SPIDR: variants seen among roughly 807,000 people sequenced by gnomAD.
The protein encoded by SPIDR is DNA repair-scaffolding protein.
In SPIDR, 93 loss-of-function variants were observed where a neutral mutation model predicts 104.6. That is an observed-to-expected ratio of 0.89 (90% CI 0.75 to 1.06). SPIDR has a LOEUF of 1.06. Among genes scored for constraint, SPIDR ranks in the 50% least tolerant of loss-of-function variants. The pLI is 0.00. For missense variants in SPIDR, 1,154 were observed against 1,111.2 expected (o/e 1.04, Z -0.55); for synonymous variants, 431 against 416.9 (o/e 1.03, Z -0.41).
chr8:47,406,711 A>T (rs2062804592), intron 6 of SPIDR, among the ~76,000 whole-genome samples: 1 of 152,182 alleles, frequency 6.6e-6, no homozygotes, highest in African/African-American at 2.4e-5. Flanking sequence ...AAACAGTTAC[A>T]CCAATCATGG....
intron 10 of SPIDR, among the ~76,000 whole-genome samples, chr8:47,658,112 T>C (rs553495270): frequency 1.4e-5 from 2 of 147,400 alleles, no homozygotes; most frequent in South Asian, 4.3e-4. Context: ...CATGGGTAAA[T>C]GTCTATCAAA....
intron 10 of SPIDR, among the ~76,000 whole-genome samples, chr8:47,630,656 A>G (rs2066922173): frequency 6.6e-6 from 1 of 152,114 alleles, no homozygotes; most frequent in Non-Finnish European, 1.5e-5. Flanking sequence ...GGGCAATAGG[A>G]CTTAAGAGGA....
At chr8:47,614,329 C>T (rs983019523) in intron 10 of SPIDR, among the ~76,000 whole-genome samples, 1 of 152,002 alleles carries the variant, frequency 6.6e-6, no homozygotes, top group African/African-American at 2.4e-5. Flanking sequence ...TCAAGCAGTT[C>T]TCCTGCCTCA....
intron 8 of SPIDR, among the ~76,000 whole-genome samples, chr8:47,496,361 G>A (rs971807950): frequency 3.9e-5 from 6 of 152,146 alleles, no homozygotes; most frequent in Non-Finnish European, 8.8e-5. Context: ...TCAGTTTGAG[G>A]AAGTTGTCTT....
At chr8:47,450,686 C>T (rs2071553192) in intron 8 of SPIDR, among the ~76,000 whole-genome samples, 1 of 152,142 alleles carries the variant, frequency 6.6e-6, no homozygotes, top group Non-Finnish European at 1.5e-5. Flanking sequence ...TTACCATGCT[C>T]TTCCTAATCT....
At position 47,440,578 on chromosome 8, in the gene SPIDR, T is replaced by G. The variant is rs782736833; in HGVS notation, c.1097+36T>G. 3 of 1,571,574 alleles carry G rather than the reference T, an allele frequency of 1.9e-6. No individual in the cohort carries two copies. In the East Asian group the frequency reaches 6.8e-5, roughly 36 times the overall value. The stretch of plus-strand genomic sequence containing the variant: ...AGAACTTAATCCAGCAGTCACCAAC[T>G]GTGAGTCAGCCTCGTAAGAAAAGAC... On this transcript the variant is annotated intron_variant, in intron 8 of 19. Coordinates refer to ENST00000297423, the MANE Select transcript of SPIDR (RefSeq NM_001080394.4).
intron 8 of SPIDR, among the ~76,000 whole-genome samples, chr8:47,484,377 G>A (rs888762644): frequency 1.3e-5 from 2 of 152,254 alleles, no homozygotes; most frequent in African/African-American, 4.8e-5. Context: ...CTAACAAGGT[G>A]GGCCATCTCA....
intron 5 of SPIDR, among the ~76,000 whole-genome samples, chr8:47,331,147 T>C (rs2048605368): frequency 6.6e-6 from 1 of 152,250 alleles, no homozygotes; most frequent in Non-Finnish European, 1.5e-5. Context: ...TCTGTATCTG[T>C]ATCTTCTTTG....
intron 5 of SPIDR, among the ~76,000 whole-genome samples, chr8:47,323,520 G>A (rs923118984): frequency 3.9e-5 from 6 of 152,196 alleles, no homozygotes; most frequent in African/African-American, 1.4e-4. Context: ...CTGAGCATTG[G>A]TGTTGTGTCA....
intron 8 of SPIDR, among the ~76,000 whole-genome samples, chr8:47,459,272 GT>G (rs1318294391): frequency 7.2e-5 from 11 of 151,798 alleles, no homozygotes; most frequent in African/African-American, 2.4e-4. Context: ...GGTCCTGGAA[GT>G]TTTTTTTCTT....
intron 10 of SPIDR, chr8:47,673,585 A>G: frequency 1.6e-6 from 1 of 613,370 alleles, no homozygotes; most frequent in Non-Finnish European, 2.9e-6. Flanking sequence ...GATATCTTGA[A>G]TTCAACGTTT....
intron 7 of SPIDR, among the ~76,000 whole-genome samples, chr8:47,409,900 C>T (rs1463388585): frequency 1.3e-5 from 2 of 152,054 alleles, no homozygotes; most frequent in Admixed American, 1.3e-4. Flanking sequence ...TGGTGGCACA[C>T]GTCTATAGTC....
At chr8:47,716,584 C>G (rs1029029209) in intron 16 of SPIDR, among the ~76,000 whole-genome samples, 2 of 152,136 alleles carry the variant, frequency 1.3e-5, no homozygotes, top group African/African-American at 2.4e-5. Flanking sequence ...AGATAATGCT[C>G]AGGAGGCTTT....
chr8:47,655,216 A>T (rs1174080623), intron 10 of SPIDR, among the ~76,000 whole-genome samples: 1 of 152,124 alleles, frequency 6.6e-6, no homozygotes, highest in African/African-American at 2.4e-5. Context: ...TAGCAGCATG[A>T]TTTATAATCC....
rs1037651373 is a variant in SPIDR, at chr8:47,464,017, C to G, written c.1097+23475C>G. ...AGAAGTTCTGACCAAAGCACTTAGG[C>G]AAGAAAAAGAAAAGAATCTAGATTG... is the stretch of plus-strand genomic sequence containing the variant. On this transcript the variant is annotated intron_variant, in intron 8 of 19. Transcript: ENST00000297423. Among the ~76,000 whole-genome samples, 3 of 151,484 alleles carry G rather than the reference C, an allele frequency of 2.0e-5. No individual in the cohort carries two copies. The East Asian group carries it at 5.8e-4, about 29-fold the overall frequency.
chr8:47,667,440 G>GAAAAAAA (rs528607871), intron 10 of SPIDR, among the ~76,000 whole-genome samples: 2 of 52,630 alleles, frequency 3.8e-5, no homozygotes, highest in Non-Finnish European at 3.7e-5. Flanking sequence ...CTTCAAAAGG[G>GAAAAAAA]AAAAAAAAAA....
At chr8:47,439,658 C>T (rs1266927913) in intron 7 of SPIDR, among the ~76,000 whole-genome samples, 1 of 152,206 alleles carries the variant, frequency 6.6e-6, no homozygotes, top group African/African-American at 2.4e-5. Context: ...TCAGTTATCT[C>T]ATTTAATCTG....
At chr8:47,661,559 A>T (rs2074107883) in intron 10 of SPIDR, among the ~76,000 whole-genome samples, 1 of 152,238 alleles carries the variant, frequency 6.6e-6, no homozygotes, top group African/African-American at 2.4e-5. Context: ...TTAAGATGTC[A>T]GATCTCTTGA....
intron 5 of SPIDR, among the ~76,000 whole-genome samples, chr8:47,297,559 A>G (rs2041108747): frequency 1.3e-5 from 2 of 152,038 alleles, no homozygotes; most frequent in East Asian, 1.9e-4. Flanking sequence ...TGCACCCATT[A>G]ACTCGTCATT....
Sources: gnomAD v4.1 joint callset for allele counts (sites outside exome capture counted in the v4.1 genomes callset) on GRCh38, gnomAD v4.1.1 for gene constraint, MANE v1.5 for transcripts, NCBI Gene and HGNC (gene_info 2026-07-23, HGNC 2026-07-21) for gene names.